CARS2: variants seen among roughly 807,000 people sequenced by gnomAD.
The protein encoded by CARS2 is probable cysteine--tRNA ligase, mitochondrial.
In CARS2, 52 loss-of-function variants were observed where a neutral mutation model predicts 68.8. That is an observed-to-expected ratio of 0.76 (90% CI 0.61 to 0.95). The LOEUF is 0.95. Ranked by LOEUF, CARS2 falls within the 40% of genes least tolerant of loss-of-function variation. The pLI is 0.00. For missense variants in CARS2, 780 were observed against 754.2 expected (o/e 1.03, Z -0.40); for synonymous variants, 314 against 303.6 (o/e 1.03, Z -0.36).
rs202081363 is a variant in CARS2, at chr13:110,713,003, C to T, written n.399+134G>A. The T allele has an allele frequency of 3.5e-3, 5,410 of 1,541,516 alleles. 19 individuals are homozygous for T. Among genetic ancestry groups the T allele is most frequent in the South Asian group, 4.3e-3 (363 of 83,878 alleles). Reference sequence around the variant, plus strand: ...GTAGGTCTCCCGCGCACTCTGCGGCCGCAGCTCAAAGGACACCGAGAGGGT... The same window carrying T: ...GTAGGTCTCCCGCGCACTCTGCGGCTGCAGCTCAAAGGACACCGAGAGGGT... On this transcript the variant is annotated intron_variant and non_coding_transcript_variant, in intron 1 of 2. Transcript: ENST00000485188.
intron 3 of CARS2, among the ~76,000 whole-genome samples, chr13:110,701,060 C>A (rs2063770079): frequency 6.6e-6 from 1 of 152,096 alleles, no homozygotes; most frequent in Non-Finnish European, 1.5e-5. Flanking sequence ...AAACAAGAAC[C>A]ACTTTCTTTT....
rs1303956993 is a variant in CARS2, at chr13:110,701,453, G to A, written c.378C>T (p.Ile126=). 1 of 1,474,568 alleles carries A rather than the reference G, an allele frequency of 6.8e-7. No homozygotes were observed. The highest frequency in any genetic ancestry group is 1.1e-5 in the South Asian group (1 of 88,292). 91.3% of individuals were successfully genotyped at this position (1,474,568 alleles called of 1,614,324 possible). ...CTCCACTTACCTCATTGGCTCTTTTGATGATTTTATCATCTACATCTGTAA... is the reference window on the plus strand; with the variant it reads ...CTCCACTTACCTCATTGGCTCTTTTAATGATTTTATCATCTACATCTGTAA... ...MGITDVDDKI[I]KRANEMNISP... is the part of the protein sequence containing the mutation. Residue 126 remains isoleucine (I), a synonymous_variant, in exon 3 of 15, where the codon ATC becomes ATT. Coordinates refer to ENST00000257347, the MANE Select transcript of CARS2 (RefSeq NM_024537.4).
In CARS2 at chr13:110,705,600, G is replaced by A. The variant is rs958060344; in HGVS notation, c.225-29C>T. 3.8e-6 allele frequency: 6 copies of A among 1,598,728 alleles called. No homozygotes were observed. Among genetic ancestry groups the A allele is most frequent in the African/African-American group, 1.3e-5 (1 of 74,710 alleles). On this transcript the variant is annotated intron_variant, in intron 1 of 14. Coordinates refer to ENST00000257347, the MANE Select transcript of CARS2 (RefSeq NM_024537.4). This position sits in a 1 kb window ranked among gnomAD's most constrained non-coding sequence, Gnocchi z 4.0. ...GAAACAAAGTTAAAATCCATCGTGT[G>A]GAACATATTTGCAAGAAAGGACATT...
intron 9 of CARS2, among the ~76,000 whole-genome samples, chr13:110,661,422 C>T (rs189345734): frequency 6.6e-6 from 1 of 152,312 alleles, no homozygotes; most frequent in East Asian, 1.9e-4. Flanking sequence ...GGGCCTTGTT[C>T]CAGATTAGGC....
Position 110,700,961 on chromosome 13 carries a change from A to G in CARS2, c.393+477T>C, listed in dbSNP as rs570298751. On this transcript the variant is annotated intron_variant, in intron 3 of 14. Transcript: ENST00000257347. ...CTTCCTTTACTAGGGCACCAAAGAA[A>G]CCCTGCTAACCCAGCACTGTTTCAT... Among the ~76,000 whole-genome samples, 4 of 152,178 alleles carry G rather than the reference A, an allele frequency of 2.6e-5. No individual in the cohort carries two copies. In the South Asian group the frequency reaches 8.3e-4, roughly 32 times the overall value.
chr13:110,683,192 A>G (rs1034991377), intron 5 of CARS2, 58 bp from the exon 6 acceptor site: 15 of 1,131,662 alleles, frequency 1.3e-5, no homozygotes, highest in Non-Finnish European at 1.8e-5. Flanking sequence ...CAGCATATTG[A>G]CAACCTTAAC....
chr13:110,712,844 C>A, intron 1 of CARS2: 1 of 1,065,640 alleles, frequency 9.4e-7, no homozygotes, highest in Non-Finnish European at 1.4e-6. Flanking sequence ...AAGCAGCTTC[C>A]CTCTCAGGCC....
chr13:110,701,738 G>C (rs1019997581), intron 2 of CARS2, among the ~76,000 whole-genome samples, 183 bp from the exon 3 acceptor site: 2 of 152,182 alleles, frequency 1.3e-5, no homozygotes, highest in Non-Finnish European at 2.9e-5. Context: ...GCGCCACAAG[G>C]GTTCTCAGGA....
intron 10 of CARS2, 150 bp downstream of exon 10, chr13:110,650,884 T>A (rs1178281405): frequency 3.2e-6 from 2 of 620,792 alleles, no homozygotes; most frequent in East Asian, 5.7e-5. Flanking sequence ...GTCCTCTGGG[T>A]TCACTCTCAA....
intron 13 of CARS2, chr13:110,643,792 G>A (rs993863580): frequency 2.0e-5 from 4 of 197,408 alleles, no homozygotes; most frequent in African/African-American, 9.4e-5. Context: ...TAGAATAAAC[G>A]AGTTTCAGGT....
chr13:110,680,630 CA>C (rs34269142), intron 6 of CARS2, among the ~76,000 whole-genome samples: 150,210 of 152,178 alleles, frequency 0.99, 74,160 homozygotes, highest in Middle Eastern at 1. Context: ...TACCAGTTTG[CA>C]AAAAAACACA....
At chr13:110,666,911 ACTT>A in intron 8 of CARS2, 4 of 985,436 alleles carry the variant, frequency 4.1e-6, no homozygotes, top group Non-Finnish European at 4.8e-6. Flanking sequence ...TGTTGCATCC[ACTT>A]CTGAGAGCAG....
intron 3 of CARS2, among the ~76,000 whole-genome samples, chr13:110,692,805 C>T (rs920358237): frequency 1.3e-5 from 2 of 151,782 alleles, no homozygotes; most frequent in African/African-American, 4.8e-5. Flanking sequence ...CAGCGTGAAA[C>T]TCTGTCTCAA....
At chr13:110,672,741 C>T (rs2062835428) in intron 7 of CARS2, among the ~76,000 whole-genome samples, 1 of 152,054 alleles carries the variant, frequency 6.6e-6, no homozygotes. Context: ...GAGATAGAGA[C>T]ACAAAAAACC....
chr13:110,673,826 G>A (rs2062869833), intron 7 of CARS2, among the ~76,000 whole-genome samples: 1 of 152,044 alleles, frequency 6.6e-6, no homozygotes, highest in South Asian at 2.1e-4. Context: ...CATCATCTCA[G>A]CCCAAAATCT....
intron 7 of CARS2, among the ~76,000 whole-genome samples, chr13:110,675,882 G>A (rs1320482388): frequency 2.0e-5 from 3 of 152,202 alleles, no homozygotes; most frequent in South Asian, 2.1e-4. Context: ...TGGGCCAGGC[G>A]CAGTGGCTCA....
intron 5 of CARS2, 130 bp downstream of exon 5, chr13:110,687,591 A>T: frequency 1.7e-6 from 1 of 605,272 alleles, no homozygotes; most frequent in South Asian, 2.0e-5. Context: ...AGACGGGAGA[A>T]TCGCTTGAAC....
chr13:110,666,669 A>T, intron 8 of CARS2: 1 of 985,476 alleles, frequency 1.0e-6, no homozygotes, highest in Non-Finnish European at 1.2e-6. Context: ...CAAGGACTTC[A>T]AAAGATAGTA....
intron 1 of CARS2, chr13:110,712,530 A>AGGCG (rs2064041137): frequency 1.2e-5 from 3 of 246,688 alleles, no homozygotes; most frequent in African/African-American, 2.4e-5. Flanking sequence ...TTTGGCCGGA[A>AGGCG]GGGGGGGGGC....
Sources: allele counts gnomAD v4.1 joint callset (sites outside exome capture counted in the v4.1 genomes callset), GRCh38; gene constraint gnomAD v4.1.1; non-coding constraint Gnocchi (gnomAD v3.1); transcripts MANE v1.5; gene names NCBI Gene and HGNC (gene_info 2026-07-23, HGNC 2026-07-21).